Variants in IMMP2L observed in about 807,000 individuals in gnomAD.
IMMP2L encodes mitochondrial inner membrane protease subunit 2.
In IMMP2L, 18 loss-of-function variants were observed where a neutral mutation model predicts 19.3. The ratio of observed to expected loss-of-function variants is 0.93; its 90% confidence interval spans 0.64 to 1.38. The LOEUF (loss-of-function observed/expected upper bound fraction) is 1.38. Among genes scored for constraint, IMMP2L ranks in the 40% most tolerant of loss-of-function variants. The probability of loss-of-function intolerance (pLI) is 0.00; values close to 1 mark genes in which losing one functional copy is unlikely to be tolerated. For synonymous variants in IMMP2L, 76 were observed against 73.0 expected, an observed-to-expected ratio of 1.04 and a Z score of -0.21; for missense variants, 233 against 218.2, an observed-to-expected ratio of 1.07 and a Z score of -0.43.
chr7:111,328,064 T>C (rs1005723881), intron 3 of IMMP2L, among the ~76,000 whole-genome samples: 2 of 151,786 alleles, frequency 1.3e-5, no homozygotes, highest in African/African-American at 4.8e-5. Flanking sequence ...CAAAACCACA[T>C]GACCTCTCAG....
rs529664711 is a variant in IMMP2L, at chr7:110,742,976, C to T, written c.409-79255G>A. Among the ~76,000 whole-genome samples the T allele has an allele frequency of 1.6e-4, 24 of 152,050 alleles. No homozygotes were observed. In the South Asian group the frequency reaches 4.8e-3, roughly 30 times the overall value. ...AGGAAAAACCACCTGAATTTTAATG[C>T]TATCTAGGGAATTCTATTAGTGGTG... On this transcript the variant is annotated intron_variant, in intron 5 of 5. Coordinates refer to ENST00000405709, the MANE Select transcript of IMMP2L (RefSeq NM_032549.4).
rs1440542084 is a variant in IMMP2L, at chr7:110,663,717, G to A, written c.413C>T (p.Ser138Phe). The A allele has an allele frequency of 5.1e-6, 8 of 1,574,802 alleles. No homozygotes were observed. Among genetic ancestry groups the A allele is most frequent in the Non-Finnish European group, 6.9e-6 (8 of 1,163,822 alleles). ...GGCATGGGCATGCAGAAGTCCTAGG[G>A]AAACCTTAATTCATGAGAAACAGAA... is the stretch of plus-strand genomic sequence containing the variant. ...SFDSNSFGPV[S>F]LGLLHAHATH... The change falls in exon 6 of 6, where the codon TCC (serine) becomes TTC (phenylalanine). Residue 138 changes from serine (S) to phenylalanine (F), a missense_variant. By Grantham distance (155) the Ser-to-Phe change is radical. Coordinates refer to ENST00000405709, the MANE Select transcript of IMMP2L (RefSeq NM_032549.4).
chr7:111,140,387 A>T (rs1294214190), intron 3 of IMMP2L, among the ~76,000 whole-genome samples: 1 of 152,168 alleles, frequency 6.6e-6, no homozygotes, highest in African/African-American at 2.4e-5. Context: ...TTTGGACAAG[A>T]TCATGTCTTC....
chr7:111,358,743 C>T (rs995962516), intron 3 of IMMP2L, among the ~76,000 whole-genome samples: 1 of 152,044 alleles, frequency 6.6e-6, no homozygotes, highest in African/African-American at 2.4e-5. Flanking sequence ...TGACCGTTCT[C>T]ATTGTTGATC....
intron 2 of IMMP2L, among the ~76,000 whole-genome samples, chr7:111,492,890 C>G (rs1843227576): frequency 6.6e-6 from 1 of 152,136 alleles, no homozygotes; most frequent in Non-Finnish European, 1.5e-5. Flanking sequence ...CTCATGTGCG[C>G]TCCCATAGCA....
At chr7:111,480,868 C>G (rs1020571495) in intron 3 of IMMP2L, among the ~76,000 whole-genome samples, 1 of 152,120 alleles carries the variant, frequency 6.6e-6, no homozygotes, top group Non-Finnish European at 1.5e-5. Flanking sequence ...ATTACTGTGG[C>G]CAAAACATGA....
intron 3 of IMMP2L, among the ~76,000 whole-genome samples, chr7:111,336,727 A>C (rs1826453193): frequency 6.6e-6 from 1 of 152,078 alleles, no homozygotes; most frequent in Non-Finnish European, 1.5e-5. Context: ...CTTCATAATA[A>C]AGCACACTTA....
chr7:111,440,282 T>A (rs1837587744), intron 3 of IMMP2L, among the ~76,000 whole-genome samples: 1 of 151,830 alleles, frequency 6.6e-6, no homozygotes, highest in African/African-American at 2.4e-5. Context: ...ACTAGATCCA[T>A]CAGAGGAATC....
chr7:111,377,286 T>A (rs1226165551), intron 3 of IMMP2L, among the ~76,000 whole-genome samples: 1 of 151,908 alleles, frequency 6.6e-6, no homozygotes, highest in African/African-American at 2.4e-5. Context: ...TATGCGTTCA[T>A]ATATATAAAG....
Position 110,663,382 on chromosome 7 carries a change from A to T in IMMP2L, c.*220T>A. The T allele has an allele frequency of 2.4e-6, 1 of 417,896 alleles. No homozygotes were observed. The highest frequency in any genetic ancestry group is 3.0e-5 in the South Asian group (1 of 32,848). 25.9% of individuals were successfully genotyped at this position (417,896 alleles called of 1,614,324 possible). On this transcript the variant is annotated 3_prime_UTR_variant, in exon 6 of 6. Coordinates refer to ENST00000405709, the MANE Select transcript of IMMP2L (RefSeq NM_032549.4). ...GGTCTGCATATTTTGGGGGCATTAA[A>T]CAACAGGGAACTAAAATTTAACACA...
chr7:111,163,178 G>T (rs1203487165), intron 3 of IMMP2L, among the ~76,000 whole-genome samples: 1 of 152,056 alleles, frequency 6.6e-6, no homozygotes, highest in Non-Finnish European at 1.5e-5. Context: ...GACCCTGTGG[G>T]AGTTAAGGCC....
intron 5 of IMMP2L, among the ~76,000 whole-genome samples, chr7:110,804,655 C>A (rs368739241): frequency 2.6e-5 from 4 of 152,010 alleles, no homozygotes; most frequent in Non-Finnish European, 4.4e-5. Flanking sequence ...ATAGGATGTG[C>A]GAAAAGTGAG....
intron 5 of IMMP2L, among the ~76,000 whole-genome samples, chr7:110,820,924 C>G (rs1201944051): frequency 6.6e-6 from 1 of 152,018 alleles, no homozygotes; most frequent in East Asian, 1.9e-4. Flanking sequence ...TCTCCAATCT[C>G]CCTCCACTAA....
At chr7:111,284,064 C>T (rs940670379) in intron 3 of IMMP2L, among the ~76,000 whole-genome samples, 2 of 151,500 alleles carry the variant, frequency 1.3e-5, no homozygotes, top group Non-Finnish European at 2.9e-5. Context: ...CCATTTTCTC[C>T]TCAGTATATA....
At chr7:111,300,052 A>G (rs749393299) in intron 3 of IMMP2L, among the ~76,000 whole-genome samples, 4 of 152,208 alleles carry the variant, frequency 2.6e-5, no homozygotes, top group Non-Finnish European at 4.4e-5. Context: ...CTATAGACAT[A>G]TAAGTATCTC....
At chr7:111,060,830 C>A (rs1012184631) in intron 3 of IMMP2L, among the ~76,000 whole-genome samples, 12 of 152,286 alleles carry the variant, frequency 7.9e-5, no homozygotes, top group Non-Finnish European at 1.3e-4. Context: ...AGCTTGCTTT[C>A]TCTCCCTGTT....
At chr7:110,988,737 G>A (rs1387640670) in intron 3 of IMMP2L, among the ~76,000 whole-genome samples, 1 of 152,036 alleles carries the variant, frequency 6.6e-6, no homozygotes, top group Non-Finnish European at 1.5e-5. Flanking sequence ...TTACAAATAA[G>A]GGAGGAGTTA....
At chr7:111,509,689 T>C (rs1269077452) in intron 2 of IMMP2L, among the ~76,000 whole-genome samples, 1 of 152,168 alleles carries the variant, frequency 6.6e-6, no homozygotes, top group Non-Finnish European at 1.5e-5. Context: ...GTGCAAAATA[T>C]ATTACTTAAT....
chr7:111,343,127 G>A (rs545570195), intron 3 of IMMP2L, among the ~76,000 whole-genome samples: 8 of 152,124 alleles, frequency 5.3e-5, no homozygotes, highest in Middle Eastern at 3.4e-3. Flanking sequence ...AATATTTATT[G>A]AGTGGTTGTA....
Sources: gnomAD v4.1 joint callset for allele counts (sites outside exome capture counted in the v4.1 genomes callset) on GRCh38, gnomAD v4.1.1 for gene constraint, MANE v1.5 for transcripts, NCBI Gene and HGNC (gene_info 2026-07-23, HGNC 2026-07-21) for gene names.